The following AVEN variants were observed in gnomAD, a reference collection of about 807,000 sequenced individuals.
AVEN encodes the protein apoptosis and caspase activation inhibitor.
In AVEN, 41 loss-of-function variants were observed where a neutral mutation model predicts 38.1. The observed-to-expected ratio is 1.08, with a 90% confidence interval of 0.84 to 1.40. The LOEUF is 1.40. AVEN is among the 40% of genes most tolerant of loss of function. AVEN has a pLI of 0.00. For missense variants in AVEN, 605 were observed against 438.8 expected, an observed-to-expected ratio of 1.38 and a Z score of -3.38; for synonymous variants, 206 against 171.8, an observed-to-expected ratio of 1.20 and a Z score of -1.56.
chr15:34,053,319 A>ATATATATATATAT (rs1555520677), intron 5 of AVEN, among the ~76,000 whole-genome samples: 2 of 42,064 alleles, frequency 4.8e-5, no homozygotes, highest in African/African-American at 8.0e-5. Context: ...AAAAAAAAAA[A>ATATATATATATAT]ATATATATAT....
intron 1 of AVEN, among the ~76,000 whole-genome samples, chr15:34,071,476 A>G (rs1167534702): frequency 6.6e-6 from 1 of 151,940 alleles, no homozygotes; most frequent in African/African-American, 2.4e-5. Context: ...TGGTCTCTCT[A>G]TGTTGCCCAG....
chr15:34,032,570 G>A (rs1183459072), intron 1 of AVEN, among the ~76,000 whole-genome samples: 2 of 152,192 alleles, frequency 1.3e-5, no homozygotes, highest in Non-Finnish European at 2.9e-5. Context: ...ATCTTACTAA[G>A]AAACAAAGGG....
chr15:34,021,361 C>T (rs1386815082), intron 1 of AVEN, among the ~76,000 whole-genome samples: 1 of 151,758 alleles, frequency 6.6e-6, no homozygotes, highest in Non-Finnish European at 1.5e-5. Context: ...TCTTGGCTCA[C>T]CACAACCTCT....
At chr15:34,010,310 C>T (rs1897582127) in intron 1 of AVEN, among the ~76,000 whole-genome samples, 1 of 152,134 alleles carries the variant, frequency 6.6e-6, no homozygotes, top group Non-Finnish European at 1.5e-5. Flanking sequence ...AAATATCCTA[C>T]CTTTTCTTTC....
chr15:34,073,122 G>A (rs1024942479), intron 1 of AVEN, among the ~76,000 whole-genome samples: 1 of 149,232 alleles, frequency 6.7e-6, no homozygotes, highest in Non-Finnish European at 1.5e-5. Context: ...CTCACTGCAA[G>A]CTCCACCTCC....
chr15:33,946,198 G>A (rs893109002), intron 2 of AVEN, among the ~76,000 whole-genome samples: 1 of 152,144 alleles, frequency 6.6e-6, no homozygotes, highest in Non-Finnish European at 1.5e-5. Flanking sequence ...ATATCTGGAA[G>A]CATAAATCTG....
At chr15:33,905,985 G>T (rs1201617399) in intron 2 of AVEN, among the ~76,000 whole-genome samples, 1 of 152,058 alleles carries the variant, frequency 6.6e-6, no homozygotes, top group Non-Finnish European at 1.5e-5. Flanking sequence ...GATTTTCTCA[G>T]TACCTCCTAT....
chr15:33,901,858 TG>T (rs948787316), intron 2 of AVEN, among the ~76,000 whole-genome samples: 12 of 134,870 alleles, frequency 8.9e-5, no homozygotes, highest in African/African-American at 3.2e-4. Context: ...TTAAACAGAT[TG>T]TTTTTCTGCC....
chr15:33,936,307 G>C (rs1326816937), intron 2 of AVEN, among the ~76,000 whole-genome samples: 1 of 152,172 alleles, frequency 6.6e-6, no homozygotes, highest in East Asian at 1.9e-4. Context: ...AAACTGCAAG[G>C]ATTAATATGA....
intron 2 of AVEN, among the ~76,000 whole-genome samples, chr15:33,891,025 C>G (rs1024851216): frequency 3.9e-5 from 6 of 151,924 alleles, no homozygotes; most frequent in Non-Finnish European, 8.8e-5. Flanking sequence ...GAGAGGATTG[C>G]TTGAGGCCAG....
At chr15:33,886,316 G>A (rs115455493) in intron 2 of AVEN, among the ~76,000 whole-genome samples, 1 of 151,932 alleles carries the variant, frequency 6.6e-6, no homozygotes, top group African/African-American at 2.4e-5. Context: ...ATGGTTTTTT[G>A]TTTTGAGATG....
intron 2 of AVEN, among the ~76,000 whole-genome samples, chr15:33,932,235 C>G (rs1003808839): frequency 1.1e-4 from 16 of 152,186 alleles, no homozygotes; most frequent in Admixed American, 7.8e-4. Context: ...AACATATACC[C>G]AATTTGGCAA....
chr15:34,013,029 C>G (rs1185622248), intron 1 of AVEN, among the ~76,000 whole-genome samples: 1 of 151,928 alleles, frequency 6.6e-6, no homozygotes, highest in Non-Finnish European at 1.5e-5. Context: ...AAGGACCTGA[C>G]CAGTGTCTCC....
At chr15:33,988,684 C>T (rs1211975946) in intron 2 of AVEN, among the ~76,000 whole-genome samples, 1 of 152,164 alleles carries the variant, frequency 6.6e-6, no homozygotes, top group Non-Finnish European at 1.5e-5. Context: ...GGTGTGCTCA[C>T]TTAACACACA....
At chr15:34,036,812 A>G (rs1899148288) in intron 1 of AVEN, among the ~76,000 whole-genome samples, 1 of 152,066 alleles carries the variant, frequency 6.6e-6, no homozygotes, top group Non-Finnish European at 1.5e-5. Flanking sequence ...TTTTAATGAT[A>G]TACCATCATG....
downstream of AVEN, chr15:33,864,918 T>TTTCTCCTTCCCTGCCAGC (rs2153028685): frequency 2.0e-6 from 1 of 505,562 alleles, no homozygotes; most frequent in South Asian, 3.4e-5. Context: ...GAGGGGGATT[T>TTTCTCCTTCCCTGCCAGC]TTCTCCTTCC....
intron 1 of AVEN, among the ~76,000 whole-genome samples, chr15:34,035,976 T>A (rs961948645): frequency 1.2e-4 from 18 of 152,024 alleles, no homozygotes; most frequent in Non-Finnish European, 1.6e-4. Flanking sequence ...GTATTTTTTT[T>A]ATAGAGAGGG....
intron 2 of AVEN, among the ~76,000 whole-genome samples, chr15:33,936,420 A>C (rs1015797100): frequency 2.0e-5 from 3 of 152,250 alleles, no homozygotes; most frequent in Non-Finnish European, 2.9e-5. Flanking sequence ...AAAGTACCTG[A>C]GAATATAATA....
At chr15:33,989,434 G>A (rs1237165566) in intron 2 of AVEN, among the ~76,000 whole-genome samples, 1 of 147,060 alleles carries the variant, frequency 6.8e-6, no homozygotes, top group Non-Finnish European at 1.5e-5. Context: ...TCTAACAGCT[G>A]GTTTTGTTTG....
Sources: gnomAD v4.1 joint callset for allele counts (sites outside exome capture counted in the v4.1 genomes callset) on GRCh38, gnomAD v4.1.1 for gene constraint, MANE v1.5 for transcripts, NCBI Gene and HGNC (gene_info 2026-07-23, HGNC 2026-07-21) for gene names.